The following TXNDC11 variants were observed in gnomAD, a reference collection of about 807,000 sequenced individuals.
The protein encoded by TXNDC11 is thioredoxin domain containing 11, also known as thioredoxin domain-containing protein 11.
TXNDC11 carries 68 observed loss-of-function variants against 78.0 expected under a neutral mutation model. That is an observed-to-expected ratio of 0.87 (90% CI 0.72 to 1.07). TXNDC11 has a LOEUF of 1.07. TXNDC11 is among the 50% of genes least tolerant of loss of function. The pLI is 0.00. For synonymous variants in TXNDC11, 571 were observed against 495.2 expected (o/e 1.15, Z -2.03); for missense variants, 1,389 against 1,221.8 (o/e 1.14, Z -2.04).
At chr16:11,695,319 T>G (rs1486304993) in intron 7 of TXNDC11, among the ~76,000 whole-genome samples, 1 of 152,152 alleles carries the variant, frequency 6.6e-6, no homozygotes, top group East Asian at 1.9e-4. Flanking sequence ...GCATCCTACA[T>G]GCACCACAGC....
At chr16:11,725,546 T>G (rs576181760) in intron 4 of TXNDC11, among the ~76,000 whole-genome samples, 2 of 152,206 alleles carry the variant, frequency 1.3e-5, no homozygotes, top group Non-Finnish European at 2.9e-5. Context: ...GACAAGAATT[T>G]GGGGAGCCAC....
Position 11,742,460 on chromosome 16 carries a change from G to A in TXNDC11, c.254+17C>T, listed in dbSNP as rs539883927. On this transcript the variant is annotated intron_variant, in intron 1 of 11. Transcript: ENST00000283033. ...GGGGAGCGCCCTAGCGGGGCCCCAG[G>A]GTCCGGGCCGCCTCACCTGCAGGTG... 5.0e-6 allele frequency: 7 copies of A among 1,400,962 alleles called. No homozygotes were observed. In the South Asian group the frequency reaches 9.3e-5, roughly 19 times the overall value. The allele number at this position is 1,400,962 out of a possible 1,614,324, so 86.8% of individuals were successfully genotyped here. A position where few individuals can be genotyped will look rare whatever the true frequency, so the allele number is the denominator to read the frequency against.
At chr16:11,705,656 T>G (rs995276895) in intron 5 of TXNDC11, among the ~76,000 whole-genome samples, 1 of 152,238 alleles carries the variant, frequency 6.6e-6, no homozygotes, top group African/African-American at 2.4e-5. Flanking sequence ...GAATGGACAG[T>G]CTGCCCATAC....
intron 4 of TXNDC11, among the ~76,000 whole-genome samples, chr16:11,727,336 A>T (rs1408213345): frequency 6.6e-6 from 1 of 152,154 alleles, no homozygotes; most frequent in African/African-American, 2.4e-5. Flanking sequence ...GCAAAAAAAA[A>T]CCAATCCTTC....
chr16:11,703,590 T>C (rs942743794), intron 5 of TXNDC11: 46 of 672,488 alleles, frequency 6.8e-5, no homozygotes, highest in Non-Finnish European at 1.1e-4. Context: ...TATATGCACA[T>C]GTGTGGGTAT....
chr16:11,705,854 T>C (rs142384974), intron 5 of TXNDC11, among the ~76,000 whole-genome samples: 12 of 152,344 alleles, frequency 7.9e-5, no homozygotes, highest in African/African-American at 2.4e-4. Flanking sequence ...AGGAAGTTTA[T>C]AGCGTAAAGA....
intron 5 of TXNDC11, among the ~76,000 whole-genome samples, chr16:11,702,660 A>C (rs1453399404): frequency 6.6e-6 from 1 of 152,266 alleles, no homozygotes; most frequent in Non-Finnish European, 1.5e-5. Flanking sequence ...CCTGGGCAAC[A>C]GAGTGAGACT....
intron 5 of TXNDC11, among the ~76,000 whole-genome samples, chr16:11,708,276 G>C (rs913308659): frequency 1.3e-5 from 2 of 152,158 alleles, no homozygotes; most frequent in Non-Finnish European, 2.9e-5. Context: ...GATCACATGA[G>C]ACAATGTTTC....
chr16:11,693,427 C>T (rs2050774286), intron 7 of TXNDC11, among the ~76,000 whole-genome samples: 1 of 152,100 alleles, frequency 6.6e-6, no homozygotes, highest in South Asian at 2.1e-4. Context: ...CAGTTAGTTA[C>T]AGGGTGCTGT....
chr16:11,719,683 C>T (rs1210930879), intron 5 of TXNDC11, among the ~76,000 whole-genome samples: 1 of 152,116 alleles, frequency 6.6e-6, no homozygotes, highest in East Asian at 1.9e-4. Flanking sequence ...CTGCTTTGTG[C>T]CAGGCTATAC....
chr16:11,709,364 T>C (rs1291092989), intron 5 of TXNDC11, among the ~76,000 whole-genome samples: 1 of 150,056 alleles, frequency 6.7e-6, no homozygotes, highest in Non-Finnish European at 1.5e-5. Context: ...GTAATTCTCC[T>C]GCCTCAGCCT....
At chr16:11,734,130 T>A in intron 2 of TXNDC11, 51 bp from the exon 3 acceptor site, 1 of 1,148,356 alleles carries the variant, frequency 8.7e-7, no homozygotes, top group Non-Finnish European at 1.3e-6. Context: ...AACTGAAAAG[T>A]TACCAAGATT....
chr16:11,698,009 G>A, intron 7 of TXNDC11, 116 bp downstream of exon 7: 1 of 925,956 alleles, frequency 1.1e-6, no homozygotes, highest in Non-Finnish European at 1.7e-6. Flanking sequence ...AGCCACAGCT[G>A]CCCCTCGTGG....
chr16:11,688,337 G>C lies in TXNDC11; in HGVS notation c.2009C>G (p.Thr670Ser), dbSNP rs747735454. 6.2e-6 allele frequency: 10 copies of C among 1,614,024 alleles called. No individual in the cohort carries two copies. The highest frequency in any genetic ancestry group is 6.8e-6 in the Non-Finnish European group (8 of 1,180,026). The change falls in exon 9 of 12, where the codon ACT (threonine) becomes AGT (serine). Residue 670 changes from threonine to serine, a missense_variant. Coordinates refer to ENST00000283033, the MANE Select transcript of TXNDC11 (RefSeq NM_015914.7). ...AAGGACTACTTCCCAAAAGGTATCAGTTGTCACTTCAGTGATTAAATGCTG... is the reference window on the plus strand; with the variant it reads ...AAGGACTACTTCCCAAAAGGTATCACTTGTCACTTCAGTGATTAAATGCTG... ...PSQHLITEVT[T>S]DTFWEVVLQK...
rs1348086412 is a variant in TXNDC11, at chr16:11,700,523, GTTTA to G, written c.831_834del (p.Lys278IlefsTer8). 3 of 1,608,210 alleles carry G rather than the reference GTTTA, an allele frequency of 1.9e-6. No homozygotes were observed. The highest frequency in any genetic ancestry group is 3.3e-5 in the Admixed American group (2 of 59,926). ...ACTAAGGATACCAGTTTCGCAAGAT[GTTTA>G]TTTGTGATAACCCCAAATCGTACTG... On this transcript the variant is annotated frameshift_variant, in exon 6 of 12. Transcript: ENST00000283033. LOFTEE classifies it high-confidence loss of function.
intron 3 of TXNDC11, among the ~76,000 whole-genome samples, chr16:11,730,999 T>C (rs1453450567): frequency 2.0e-5 from 3 of 152,096 alleles, no homozygotes; most frequent in Non-Finnish European, 4.4e-5. Context: ...TACCCTTCTA[T>C]GATCTTGAAT....
chr16:11,736,732 A>T (rs995971262), intron 1 of TXNDC11, among the ~76,000 whole-genome samples: 1 of 152,234 alleles, frequency 6.6e-6, no homozygotes, highest in Non-Finnish European at 1.5e-5. Context: ...TATCCAGGGC[A>T]TTCAGGTAAC....
At chr16:11,713,180 G>C (rs2051418410) in intron 5 of TXNDC11, among the ~76,000 whole-genome samples, 1 of 150,938 alleles carries the variant, frequency 6.6e-6, no homozygotes, top group South Asian at 2.1e-4. Context: ...CCAGCTCCTT[G>C]GGGGGCTGAG....
At chr16:11,706,074 T>G (rs960422846) in intron 5 of TXNDC11, among the ~76,000 whole-genome samples, 6 of 152,022 alleles carry the variant, frequency 3.9e-5, no homozygotes, top group African/African-American at 1.2e-4. Flanking sequence ...CCTCCTCTAC[T>G]CAAAAAGGTC....
Sources: allele counts gnomAD v4.1 joint callset (sites outside exome capture counted in the v4.1 genomes callset), GRCh38; gene constraint gnomAD v4.1.1; transcripts MANE v1.5; gene names NCBI Gene and HGNC (gene_info 2026-07-23, HGNC 2026-07-21).